Variants in DPY19L2 observed in about 807,000 individuals in gnomAD.
DPY19L2 encodes dpy-19 like 2.
DPY19L2 carries 34 observed loss-of-function variants against 97.9 expected under a neutral mutation model. That is an observed-to-expected ratio of 0.35 (90% CI 0.26 to 0.46). The LOEUF (loss-of-function observed/expected upper bound fraction) is 0.46, where lower values mean the gene tolerates loss of function less well. Ranked by LOEUF, DPY19L2 falls within the 20% of genes least tolerant of loss-of-function variation. The pLI is 1.00. For missense variants in DPY19L2, 623 were observed against 911.4 expected, an observed-to-expected ratio of 0.68 and a Z score of 4.07; for synonymous variants, 230 against 307.9, an observed-to-expected ratio of 0.75 and a Z score of 2.65.
chr12:63,572,553 T>A lies in DPY19L2; in HGVS notation c.1901-1696A>T, dbSNP rs374298249. ...CTGGTTTGCTTTGCCACCTGCTGAC[T>A]GTTGAGCCCTACACCTTGAGCAAAC... On this transcript the variant is annotated intron_variant, in intron 19 of 21. Transcript: ENST00000324472. Among the ~76,000 whole-genome samples, 64 of 152,184 alleles carry A rather than the reference T, an allele frequency of 4.2e-4. 1 individual carries two copies. The highest frequency in any genetic ancestry group is 1.5e-3 in the African/African-American group (62 of 41,518).
intron 1 of DPY19L2, 101 bp from the exon 2 acceptor site, chr12:63,665,960 T>C (rs1896287536): frequency 9.1e-7 from 1 of 1,101,604 alleles, no homozygotes; most frequent in Non-Finnish European, 1.3e-6. Flanking sequence ...TCTAGAAAGA[T>C]AGCACACAAA....
At chr12:63,661,794 T>C (rs575178984) in intron 3 of DPY19L2, among the ~76,000 whole-genome samples, 1 of 152,278 alleles carries the variant, frequency 6.6e-6, no homozygotes, top group Admixed American at 6.5e-5. Flanking sequence ...CAAATCTGGT[T>C]TTATCCCCCA....
intron 3 of DPY19L2, 146 bp from the exon 4 acceptor site, chr12:63,661,627 G>A: frequency 3.3e-6 from 2 of 607,320 alleles, no homozygotes; most frequent in African/African-American, 2.0e-5. Context: ...TTGCATTCTT[G>A]GTTTTTAAAG....
chr12:63,602,907 A>G (rs1885410244), intron 12 of DPY19L2, among the ~76,000 whole-genome samples: 1 of 152,190 alleles, frequency 6.6e-6, no homozygotes, highest in Admixed American at 6.5e-5. Flanking sequence ...AGAGAATCAT[A>G]TACAGAAACA....
chr12:63,582,054 G>A (rs1198155494), intron 18 of DPY19L2, among the ~76,000 whole-genome samples: 2 of 151,506 alleles, frequency 1.3e-5, no homozygotes, highest in Non-Finnish European at 2.9e-5. Context: ...GCCCATCTCG[G>A]CCTCCCAAAG....
intron 6 of DPY19L2, among the ~76,000 whole-genome samples, chr12:63,636,480 G>A (rs1313238504): frequency 6.6e-6 from 1 of 152,050 alleles, no homozygotes; most frequent in Non-Finnish European, 1.5e-5. Context: ...GACACAGACT[G>A]GCAAATTGGA....
intron 19 of DPY19L2, 144 bp downstream of exon 19, chr12:63,580,518 G>C (rs1448615923): frequency 1.2e-6 from 1 of 859,466 alleles, no homozygotes; most frequent in Non-Finnish European, 1.6e-6. Context: ...TCTGCTCAAA[G>C]TCTGTGAGAG....
chr12:63,624,877 T>C (rs186538761), intron 7 of DPY19L2, among the ~76,000 whole-genome samples: 154 of 152,202 alleles, frequency 1.0e-3, no homozygotes, highest in African/African-American at 3.6e-3. Flanking sequence ...GATACCAAAA[T>C]TGTAAATGTT....
chr12:63,594,194 C>T, intron 15 of DPY19L2, 61 bp from the exon 16 acceptor site: 1 of 1,227,952 alleles, frequency 8.1e-7, no homozygotes, highest in Non-Finnish European at 1.1e-6. Context: ...TTAAAATGCT[C>T]TGATTCATTA....
rs180761238 is a variant in DPY19L2 at position 63,633,142 on chromosome 12, G to A, written c.804-6616C>T. Among the ~76,000 whole-genome samples, 237 of 152,198 alleles carry A rather than the reference G, an allele frequency of 1.6e-3. 1 individual carries two copies. Among genetic ancestry groups the A allele is most frequent in the Middle Eastern group, 0.014 (4 of 294 alleles). ...AGAAAACCTAGGCATTACCATTCAG[G>A]ACATAGGCATGGGCAAGGACTTCAT... On this transcript the variant is annotated intron_variant, in intron 6 of 21. Transcript: ENST00000324472.
chr12:63,668,417 G>T lies in DPY19L2; in HGVS notation c.-24C>A. 6.4e-7 allele frequency: 1 copy of T among 1,569,242 alleles called. No individual in the cohort carries two copies. The highest frequency in any genetic ancestry group is 1.2e-5 in the South Asian group (1 of 84,842). ...ATAATCAAGGAGTATGGTGGAGCTG[G>T]GTCAATTTCAGGCACAGCCCAGCCG... On this transcript the variant is annotated 5_prime_UTR_variant, in exon 1 of 22. Coordinates refer to ENST00000324472, the MANE Select transcript of DPY19L2 (RefSeq NM_173812.5).
intron 21 of DPY19L2, among the ~76,000 whole-genome samples, chr12:63,563,214 G>A (rs1179698277): frequency 1.3e-5 from 2 of 151,896 alleles, no homozygotes; most frequent in East Asian, 3.9e-4. Flanking sequence ...CCCAGACTGT[G>A]GTTTATCTTT....
At chr12:63,563,076 C>T (rs1463257575) in intron 21 of DPY19L2, among the ~76,000 whole-genome samples, 1 of 130,148 alleles carries the variant, frequency 7.7e-6, no homozygotes, top group Non-Finnish European at 1.6e-5. Context: ...GGATTACAGG[C>T]GTGAGCCAAC....
chr12:63,641,837 G>A (rs541685920), intron 6 of DPY19L2, among the ~76,000 whole-genome samples: 1 of 152,058 alleles, frequency 6.6e-6, no homozygotes, highest in Non-Finnish European at 1.5e-5. Context: ...GAATTACTGA[G>A]TTACAAGGTA....
chr12:63,571,595 C>T (rs1878855142), intron 19 of DPY19L2, among the ~76,000 whole-genome samples: 1 of 152,114 alleles, frequency 6.6e-6, no homozygotes, highest in Admixed American at 6.5e-5. Context: ...TGTGGTCCTG[C>T]GGATGTGCCA....
chr12:63,593,009 C>T (rs551097775), intron 16 of DPY19L2, among the ~76,000 whole-genome samples: 27,939 of 150,196 alleles, frequency 0.19, 3,693 homozygotes, highest in African/African-American at 0.4. Context: ...CAAAAGAAGA[C>T]ATTTATGCAG....
intron 6 of DPY19L2, among the ~76,000 whole-genome samples, chr12:63,627,329 TTTG>T (rs781633570): frequency 1.3e-5 from 2 of 151,968 alleles, no homozygotes; most frequent in South Asian, 2.1e-4. Flanking sequence ...AACCATTTCT[TTTG>T]TTGTTGTTAT....
chr12:63,668,513 G>C, upstream of DPY19L2: 1 of 1,067,088 alleles, frequency 9.4e-7, no homozygotes, highest in South Asian at 1.7e-5. Flanking sequence ...AGCCGTTGCG[G>C]ACCTCCCGGT....
At chr12:63,668,579 C>G (rs1304776666), upstream of DPY19L2, 5 of 635,606 alleles carry the variant, frequency 7.9e-6, no homozygotes, top group Non-Finnish European at 1.3e-5. Flanking sequence ...GCCATTCGCG[C>G]GGGCAGTCCC....
Sources: gnomAD v4.1 joint callset for allele counts (sites outside exome capture counted in the v4.1 genomes callset) on GRCh38, gnomAD v4.1.1 for gene constraint, MANE v1.5 for transcripts, NCBI Gene and HGNC (gene_info 2026-07-23, HGNC 2026-07-21) for gene names.